LNPEP: variants seen among roughly 807,000 people sequenced by gnomAD.
The protein encoded by LNPEP is leucyl and cystinyl aminopeptidase.
In LNPEP, 64 loss-of-function variants were observed where a neutral mutation model predicts 120.6. The observed-to-expected ratio is 0.53, with a 90% CI of 0.43 to 0.65. The LOEUF (loss-of-function observed/expected upper bound fraction) is 0.65, where lower values mean the gene tolerates loss of function less well. Among genes scored for constraint, LNPEP ranks in the 30% least tolerant of loss-of-function variants. LNPEP has a pLI of 0.00. For synonymous variants in LNPEP, 435 were observed against 425.4 expected (o/e 1.02, Z -0.28); for missense variants, 1,057 against 1,200.0 (o/e 0.88, Z 1.76).
Position 97,022,321 on chromosome 5 carries a change from C to A in LNPEP, c.2398C>A (p.Gln800Lys). The stretch of plus-strand genomic sequence containing the variant: ...CTAGACTAGGGTATTTAAATTACTT[C>A]AAAACCAAATTCAACAACAAACTTG... Reference protein sequence around the residue: ...RLVTRVFKLLQNQIQQQTWTD... With the variant: ...RLVTRVFKLLKNQIQQQTWTD... Residue 800 changes from glutamine (Q) to lysine (K), a missense_variant, in exon 14 of 18, where the codon CAA (glutamine) becomes AAA (lysine). Transcript: ENST00000231368. The A allele has an allele frequency of 6.2e-7, 1 of 1,608,848 alleles. No homozygotes were observed. Among genetic ancestry groups the A allele is most frequent in the Non-Finnish European group, 8.5e-7 (1 of 1,176,432 alleles).
At chr5:96,973,712 T>C (rs1789927382) in intron 1 of LNPEP, among the ~76,000 whole-genome samples, 1 of 152,150 alleles carries the variant, frequency 6.6e-6, no homozygotes, top group African/African-American at 2.4e-5. Flanking sequence ...CAGGGAGCCC[T>C]GGAATGAATC....
chr5:96,991,194 A>T (rs1405594836), intron 4 of LNPEP, among the ~76,000 whole-genome samples: 1 of 152,198 alleles, frequency 6.6e-6, no homozygotes, highest in African/African-American at 2.4e-5. Flanking sequence ...TACTTTACTT[A>T]GAATAATCGT....
intron 13 of LNPEP, among the ~76,000 whole-genome samples, chr5:97,017,913 AT>A (rs1331804359): frequency 5.3e-5 from 8 of 152,050 alleles, no homozygotes; most frequent in African/African-American, 1.9e-4. Flanking sequence ...ATTGCCAGTA[AT>A]CCTTGGTATT....
At chr5:96,966,804 G>A (rs983237554) in intron 1 of LNPEP, among the ~76,000 whole-genome samples, 1 of 151,938 alleles carries the variant, frequency 6.6e-6, no homozygotes, top group Non-Finnish European at 1.5e-5. Flanking sequence ...GACAATAAAC[G>A]TGTCTTTAAC....
chr5:97,019,145 A>G (rs568188716), intron 13 of LNPEP, among the ~76,000 whole-genome samples: 20 of 152,178 alleles, frequency 1.3e-4, no homozygotes, highest in Non-Finnish European at 2.8e-4. Flanking sequence ...TTATTTTTAA[A>G]ATAATTTTAT....
intron 1 of LNPEP, among the ~76,000 whole-genome samples, chr5:96,974,015 A>T (rs1419815770): frequency 6.6e-6 from 1 of 151,952 alleles, no homozygotes; most frequent in Non-Finnish European, 1.5e-5. Flanking sequence ...TGCTTTCTCT[A>T]CCTTTTATAA....
chr5:97,023,877 GT>G lies in LNPEP; in HGVS notation c.2562-639del, dbSNP rs558386751. 7.0e-4 allele frequency among the ~76,000 whole-genome samples: 107 copies of G among 152,206 alleles called. 1 individual carries two copies. Among genetic ancestry groups the G allele is most frequent in the African/African-American group, 2.5e-3 (103 of 41,522 alleles). On this transcript the variant is annotated intron_variant, in intron 14 of 17. Coordinates refer to ENST00000231368, the MANE Select transcript of LNPEP (RefSeq NM_005575.3). The stretch of plus-strand genomic sequence containing the variant: ...CTTGCCAACACTTGCCATTTTCTGG[GT>G]TTTTGATAGCAGCCATCCTAATGGG...
Position 97,006,046 on chromosome 5 carries a change from T to TTATA in LNPEP, c.1786-11_1786-8dup, listed in dbSNP as rs3839297. On this transcript the variant is annotated intron_variant, in intron 9 of 17. Transcript: ENST00000231368. ...AATTTTTATTTTTAAGGAAAAAGTT[T>TTATA]TATATATATATATATATATTTTGTA... 8.7e-3 allele frequency: 6,118 copies of TTATA among 699,912 alleles called. 30 individuals are homozygous for TTATA. The highest frequency in any genetic ancestry group is 0.055 in the South Asian group (944 of 17,308). 43.4% of individuals were successfully genotyped at this position (699,912 alleles called of 1,614,324 possible).
At chr5:96,937,055 C>G (rs1375117516) in intron 1 of LNPEP, 1 of 152,140 alleles carries the variant, frequency 6.6e-6, no homozygotes, top group Admixed American at 6.6e-5. Context: ...TGTGTGGATT[C>G]CCTTTTAAGA....
intron 6 of LNPEP, among the ~76,000 whole-genome samples, chr5:96,995,296 T>C (rs901460889): frequency 6.6e-6 from 1 of 152,176 alleles, no homozygotes; most frequent in African/African-American, 2.4e-5. Flanking sequence ...TTCTCAAAGG[T>C]GTTTTGTTTT....
At position 97,028,595 on chromosome 5, in the gene LNPEP, G is replaced by A. The variant is rs965520533; in HGVS notation, c.*62G>A. 2.5e-5 allele frequency: 40 copies of A among 1,577,324 alleles called. No individual in the cohort carries two copies. The highest frequency in any genetic ancestry group is 1.9e-4 in the Middle Eastern group (1 of 5,180). ...AGAGCTTGTAAGCTTGGGCTCTGCC[G>A]CTTTTGCAAAAGCCAAGGTAAAGCC... On this transcript the variant is annotated 3_prime_UTR_variant, in exon 18 of 18. Transcript: ENST00000231368.
At chr5:96,937,789 T>C (rs1055087468) in intron 1 of LNPEP, 1 of 152,246 alleles carries the variant, frequency 6.6e-6, no homozygotes, top group Non-Finnish European at 1.5e-5. Flanking sequence ...TTTTCTCTTA[T>C]AGAATATGCT....
At chr5:97,011,041 A>T (rs1399710257) in intron 11 of LNPEP, 3 of 985,346 alleles carry the variant, frequency 3.0e-6, no homozygotes, top group Non-Finnish European at 3.6e-6. Flanking sequence ...CCTCTTTACC[A>T]TCTGGACTTG....
Position 97,028,734 on chromosome 5 carries a change from A to T in LNPEP, c.*201A>T. 2.1e-6 allele frequency: 1 copy of T among 466,968 alleles called. No individual in the cohort carries two copies. The highest frequency in any genetic ancestry group is 3.8e-6 in the Non-Finnish European group (1 of 263,920). The allele number at this position is 466,968 out of a possible 1,614,324, so 28.9% of individuals were successfully genotyped here. A position where few individuals can be genotyped will look rare whatever the true frequency, so the allele number is the denominator to read the frequency against. ...TTTGGGCAGTATGTAGTTATTTATTACAAAATTATATTCACCTAAATGCCA... is the reference window on the plus strand; with the variant it reads ...TTTGGGCAGTATGTAGTTATTTATTTCAAAATTATATTCACCTAAATGCCA... On this transcript the variant is annotated 3_prime_UTR_variant, in exon 18 of 18. Transcript: ENST00000231368.
intron 8 of LNPEP, 152 bp from the exon 9 acceptor site, chr5:97,003,263 T>C (rs985065223): frequency 1.9e-6 from 1 of 519,192 alleles, no homozygotes; most frequent in African/African-American, 1.9e-5. Flanking sequence ...AGTCCACATC[T>C]ATATGAGACT....
chr5:96,957,187 C>T (rs576636537), intron 1 of LNPEP, among the ~76,000 whole-genome samples: 1 of 152,222 alleles, frequency 6.6e-6, no homozygotes, highest in South Asian at 2.1e-4. Flanking sequence ...TGGCTTGCAT[C>T]CTGGACATTA....
At chr5:97,016,108 A>G (rs573426958) in intron 13 of LNPEP, among the ~76,000 whole-genome samples, 2 of 151,992 alleles carry the variant, frequency 1.3e-5, no homozygotes, top group Admixed American at 6.6e-5. Flanking sequence ...TCTCCCCCAA[A>G]AGTTTCTGAT....
chr5:97,024,744 G>A (rs1791298612), intron 15 of LNPEP, 62 bp downstream of exon 15: 1 of 1,455,682 alleles, frequency 6.9e-7, no homozygotes, highest in Non-Finnish European at 9.4e-7. Context: ...CTGTGCTCTT[G>A]GTCAGGAGCT....
intron 1 of LNPEP, among the ~76,000 whole-genome samples, chr5:96,965,805 G>C (rs1054689314): frequency 6.6e-6 from 1 of 152,068 alleles, no homozygotes; most frequent in Admixed American, 6.6e-5. Context: ...TACCTTGTTT[G>C]TTGTGATAGT....
Sources: gnomAD v4.1 joint callset for allele counts (sites outside exome capture counted in the v4.1 genomes callset) on GRCh38, gnomAD v4.1.1 for gene constraint, MANE v1.5 for transcripts, NCBI Gene and HGNC (gene_info 2026-07-23, HGNC 2026-07-21) for gene names.